PTPRD: variants seen among roughly 807,000 people sequenced by gnomAD.
PTPRD encodes receptor-type tyrosine-protein phosphatase delta.
Under a neutral mutation model 214.5 loss-of-function variants are expected in PTPRD, and 34 were observed. That is an observed-to-expected ratio of 0.16 (90% CI 0.12 to 0.21). The LOEUF is 0.21. Among genes scored for constraint, PTPRD ranks in the 10% least tolerant of loss-of-function variants. The pLI, the probability that PTPRD is intolerant of heterozygous loss-of-function variation, is 1.00. For synonymous variants in PTPRD, 1,128 were observed against 845.7 expected, an observed-to-expected ratio of 1.33 and a Z score of -5.79; for missense variants, 2,545 against 2,398.7, an observed-to-expected ratio of 1.06 and a Z score of -1.27.
At chr9:10,378,139 G>C (rs1424396088) in intron 2 of PTPRD, among the ~76,000 whole-genome samples, 1 of 151,982 alleles carries the variant, frequency 6.6e-6, no homozygotes, top group African/African-American at 2.4e-5. Flanking sequence ...TTGCAGTTTT[G>C]ATTTGCATTT....
At position 8,958,018 on chromosome 9, in the gene PTPRD, A is replaced by C. The variant is rs752937986; in HGVS notation, c.-104+60679T>G. Among the ~76,000 whole-genome samples, 9 of 151,978 alleles carry C rather than the reference A, an allele frequency of 5.9e-5. No homozygotes were observed. The South Asian group carries it at 1.7e-3, about 28-fold the overall frequency. On this transcript the variant is annotated intron_variant, in intron 11 of 45. Transcript: ENST00000381196. ...ATACCTTAGCAGGGGAAGAACCATT[A>C]GTTACATGCTCCTTAAAACGTAATG...
chr9:9,203,366 T>C (rs1002360681), intron 9 of PTPRD, among the ~76,000 whole-genome samples: 1 of 152,164 alleles, frequency 6.6e-6, no homozygotes, highest in African/African-American at 2.4e-5. Flanking sequence ...TTTATTCCAT[T>C]TTAAAACCTT....
intron 3 of PTPRD, among the ~76,000 whole-genome samples, chr9:10,056,097 C>T (rs867905628): frequency 3.3e-5 from 5 of 151,620 alleles, no homozygotes; most frequent in East Asian, 3.9e-4. Flanking sequence ...CCGAGGTGAG[C>T]GGACCATGAG....
chr9:10,235,238 T>C (rs1004042717), intron 3 of PTPRD, among the ~76,000 whole-genome samples: 1 of 152,006 alleles, frequency 6.6e-6, no homozygotes, highest in Non-Finnish European at 1.5e-5. Flanking sequence ...ACGGATTACA[T>C]TTTTAAGAAG....
At chr9:9,300,238 C>T (rs1420265202) in intron 9 of PTPRD, among the ~76,000 whole-genome samples, 2 of 151,296 alleles carry the variant, frequency 1.3e-5, no homozygotes, top group Non-Finnish European at 3.0e-5. Flanking sequence ...ATTCAAGATA[C>T]TTAAAATGAC....
intron 5 of PTPRD, among the ~76,000 whole-genome samples, chr9:9,841,640 C>T (rs993079310): frequency 1.3e-5 from 2 of 152,122 alleles, no homozygotes; most frequent in East Asian, 3.9e-4. Context: ...AAGTTGTTAG[C>T]ACTGGAGATA....
At chr9:9,716,371 T>C (rs1004753096) in intron 7 of PTPRD, among the ~76,000 whole-genome samples, 5 of 151,674 alleles carry the variant, frequency 3.3e-5, no homozygotes, top group Non-Finnish European at 7.4e-5. Context: ...ATATACCCAG[T>C]AATGGGATGG....
At chr9:9,145,419 T>C (rs2099866950) in intron 10 of PTPRD, among the ~76,000 whole-genome samples, 1 of 151,648 alleles carries the variant, frequency 6.6e-6, no homozygotes, top group Admixed American at 6.6e-5. Context: ...TAAGTTTAGA[T>C]ATTGAGTGTC....
chr9:9,560,160 C>G (rs1013639371), intron 8 of PTPRD, among the ~76,000 whole-genome samples: 1 of 152,200 alleles, frequency 6.6e-6, no homozygotes, highest in Non-Finnish European at 1.5e-5. Context: ...ACGTCTTGCA[C>G]TAAGTCTGTA....
chr9:10,268,321 G>GTAATA (rs1564900765), intron 3 of PTPRD, among the ~76,000 whole-genome samples: 33 of 122,980 alleles, frequency 2.7e-4, no homozygotes, highest in African/African-American at 9.1e-4. Context: ...TAATAATAAC[G>GTAATA]ATAATAATAA....
At chr9:10,080,812 A>G (rs1319871149) in intron 3 of PTPRD, among the ~76,000 whole-genome samples, 1 of 152,158 alleles carries the variant, frequency 6.6e-6, no homozygotes, top group East Asian at 1.9e-4. Context: ...TACCATTTTG[A>G]AAATTAAATT....
At chr9:9,973,877 A>G (rs542562339) in intron 4 of PTPRD, among the ~76,000 whole-genome samples, 1 of 152,268 alleles carries the variant, frequency 6.6e-6, no homozygotes, top group East Asian at 1.9e-4. Flanking sequence ...ATGTGCTCTA[A>G]TAGACACTTA....
At chr9:9,523,920 C>T (rs1253295888) in intron 8 of PTPRD, among the ~76,000 whole-genome samples, 5 of 152,144 alleles carry the variant, frequency 3.3e-5, no homozygotes, top group African/African-American at 9.7e-5. Flanking sequence ...GTGCTTCCGA[C>T]GGGCTGACTT....
chr9:10,228,046 C>T (rs1286652355), intron 3 of PTPRD, among the ~76,000 whole-genome samples: 4 of 151,898 alleles, frequency 2.6e-5, no homozygotes, highest in Non-Finnish European at 5.9e-5. Context: ...ATTTGTTACA[C>T]ATTTTAGGCC....
intron 12 of PTPRD, among the ~76,000 whole-genome samples, chr9:8,718,347 A>G (rs1326193660): frequency 6.6e-6 from 1 of 152,214 alleles, no homozygotes; most frequent in Admixed American, 6.5e-5. Flanking sequence ...TAACTGTTTT[A>G]TTATAATTAT....
chr9:8,560,395 A>G (rs2085704593), intron 14 of PTPRD, among the ~76,000 whole-genome samples: 1 of 151,902 alleles, frequency 6.6e-6, no homozygotes, highest in Non-Finnish European at 1.5e-5. Context: ...GGTAATTTAG[A>G]CAGAGGCAAG....
At chr9:10,120,063 T>C (rs2098762816) in intron 3 of PTPRD, among the ~76,000 whole-genome samples, 1 of 152,026 alleles carries the variant, frequency 6.6e-6, no homozygotes, top group African/African-American at 2.4e-5. Flanking sequence ...CAATCTGCAA[T>C]AAGCCACCCA....
chr9:10,296,948 A>G (rs1462032542), intron 3 of PTPRD, among the ~76,000 whole-genome samples: 1 of 151,754 alleles, frequency 6.6e-6, no homozygotes, highest in African/African-American at 2.4e-5. Context: ...AATATTTCCC[A>G]TTCTTCATTA....
intron 11 of PTPRD, among the ~76,000 whole-genome samples, chr9:8,787,628 T>G (rs187743006): frequency 1.4e-4 from 22 of 152,098 alleles, no homozygotes; most frequent in Admixed American, 6.5e-5. Flanking sequence ...TTGAAGAAGG[T>G]AGAGAAACGG....
Sources: gnomAD v4.1 joint callset for allele counts (sites outside exome capture counted in the v4.1 genomes callset) on GRCh38, gnomAD v4.1.1 for gene constraint, MANE v1.5 for transcripts, NCBI Gene and HGNC (gene_info 2026-07-23, HGNC 2026-07-21) for gene names.